The following PRKCE variants were observed in gnomAD, a reference collection of about 807,000 sequenced individuals.
PRKCE encodes protein kinase C epsilon, also known as protein kinase C epsilon type.
Under a neutral mutation model 85.4 loss-of-function variants are expected in PRKCE, and 16 were observed. That is an observed-to-expected ratio of 0.19 (90% CI 0.13 to 0.28). The LOEUF (loss-of-function observed/expected upper bound fraction) is 0.28. Ranked by LOEUF, PRKCE falls within the 10% of genes least tolerant of loss-of-function variation. The pLI, the probability that PRKCE is intolerant of heterozygous loss-of-function variation, is 1.00. For synonymous variants in PRKCE, 388 were observed against 371.5 expected (o/e 1.04, Z -0.51); for missense variants, 573 against 975.2 (o/e 0.59, Z 5.49).
intron 6 of PRKCE, among the ~76,000 whole-genome samples, chr2:45,985,911 T>TTAGATGTGGGTTTTGTC (rs1280490246): frequency 6.6e-6 from 1 of 152,210 alleles, no homozygotes; most frequent in Non-Finnish European, 1.5e-5. Flanking sequence ...GACTGAGCAT[T>TTAGATGTGGGTTTTGTC]TAGATGTGGG....
At chr2:45,719,699 T>C (rs1680450346) in intron 1 of PRKCE, among the ~76,000 whole-genome samples, 1 of 152,048 alleles carries the variant, frequency 6.6e-6, no homozygotes, top group South Asian at 2.1e-4. Flanking sequence ...TGGAAGAAAT[T>C]TTCTCTCCCC....
chr2:45,826,857 G>C (rs1277560123), intron 1 of PRKCE, among the ~76,000 whole-genome samples: 1 of 152,108 alleles, frequency 6.6e-6, no homozygotes, highest in African/African-American at 2.4e-5. Context: ...ATTACATTCA[G>C]AATCTGACCA....
chr2:46,082,655 G>A (rs1669204257), intron 10 of PRKCE, among the ~76,000 whole-genome samples: 1 of 152,192 alleles, frequency 6.6e-6, no homozygotes, highest in South Asian at 2.1e-4. Context: ...CAGCCTCGTG[G>A]GATTCCAACA....
At chr2:45,952,127 C>G (rs1186495520) in intron 2 of PRKCE, among the ~76,000 whole-genome samples, 1 of 152,178 alleles carries the variant, frequency 6.6e-6, no homozygotes, top group Non-Finnish European at 1.5e-5. Flanking sequence ...GCCACTGTGC[C>G]CAGTTGATTC....
intron 2 of PRKCE, among the ~76,000 whole-genome samples, chr2:45,965,511 C>T (rs1257036121): frequency 1.3e-5 from 2 of 152,172 alleles, no homozygotes; most frequent in Non-Finnish European, 2.9e-5. Flanking sequence ...AGTTTGCACC[C>T]TAGCTTCTGT....
chr2:45,987,771 G>A (rs1292143569), intron 6 of PRKCE, among the ~76,000 whole-genome samples: 1 of 152,206 alleles, frequency 6.6e-6, no homozygotes, highest in African/African-American at 2.4e-5. Flanking sequence ...GTATCATACA[G>A]ATTAGCTGGA....
intron 1 of PRKCE, among the ~76,000 whole-genome samples, chr2:45,779,991 C>A (rs546096041): frequency 6.6e-6 from 1 of 152,294 alleles, no homozygotes; most frequent in South Asian, 2.1e-4. Flanking sequence ...CATAGGTTCT[C>A]CTGAACTGGA....
intron 10 of PRKCE, chr2:46,073,575 A>T (rs1266897685): frequency 4.6e-5 from 7 of 151,982 alleles, no homozygotes. Context: ...TGTAGTGCAC[A>T]GTGTCTGACA....
intron 6 of PRKCE, among the ~76,000 whole-genome samples, chr2:45,992,756 G>T (rs994236045): frequency 6.6e-6 from 1 of 152,174 alleles, no homozygotes; most frequent in Admixed American, 6.5e-5. Flanking sequence ...CCTGCCTTTT[G>T]CTTCAATCTC....
chr2:45,824,946 A>C (rs932316031), intron 1 of PRKCE, among the ~76,000 whole-genome samples: 3 of 152,166 alleles, frequency 2.0e-5, no homozygotes, highest in African/African-American at 7.2e-5. Flanking sequence ...TCAGGGCAGG[A>C]GACGGGGTTG....
At chr2:45,992,426 G>A (rs536838131) in intron 6 of PRKCE, among the ~76,000 whole-genome samples, 2 of 152,262 alleles carry the variant, frequency 1.3e-5, no homozygotes, top group South Asian at 4.1e-4. Context: ...ATGACCCCAG[G>A]GGGGCATCCC....
intron 11 of PRKCE, among the ~76,000 whole-genome samples, chr2:46,103,496 A>G (rs1410598052): frequency 1.3e-5 from 2 of 152,224 alleles, no homozygotes; most frequent in East Asian, 1.9e-4. Context: ...ACACACATAC[A>G]CATAACTCAT....
intron 1 of PRKCE, among the ~76,000 whole-genome samples, chr2:45,672,432 C>G (rs1306600390): frequency 2.0e-5 from 3 of 152,096 alleles, no homozygotes; most frequent in African/African-American, 7.2e-5. Flanking sequence ...TCATCTATCT[C>G]TCCATCCATC....
chr2:45,813,959 T>C (rs148154516), intron 1 of PRKCE, among the ~76,000 whole-genome samples: 62 of 152,216 alleles, frequency 4.1e-4, no homozygotes, highest in African/African-American at 1.4e-3. Context: ...CATAAGTGAG[T>C]ATCATCAGTG....
chr2:45,770,450 A>G (rs372811381), intron 1 of PRKCE, among the ~76,000 whole-genome samples: 1 of 152,120 alleles, frequency 6.6e-6, no homozygotes, highest in Non-Finnish European at 1.5e-5. Flanking sequence ...GACACTAGAT[A>G]TATGGCGTCC....
At chr2:45,976,319 C>T in intron 2 of PRKCE, 110 bp from the exon 3 acceptor site, 1 of 1,314,278 alleles carries the variant, frequency 7.6e-7, no homozygotes, top group Non-Finnish European at 1.0e-6. Flanking sequence ...CTACCTCTCA[C>T]CCACCCCAGC....
intron 12 of PRKCE, among the ~76,000 whole-genome samples, chr2:46,150,371 A>G (rs1228225609): frequency 6.6e-6 from 1 of 152,196 alleles, no homozygotes; most frequent in Non-Finnish European, 1.5e-5. Context: ...AAGGGGGCCT[A>G]CGGTTTTGTA....
intron 14 of PRKCE, among the ~76,000 whole-genome samples, chr2:46,183,385 T>C (rs892097552): frequency 6.6e-6 from 1 of 152,246 alleles, no homozygotes; most frequent in Non-Finnish European, 1.5e-5. Context: ...CCACAGAGCA[T>C]AGCATATATT....
intron 1 of PRKCE, among the ~76,000 whole-genome samples, chr2:45,811,152 A>G (rs542390489): frequency 5.4e-4 from 82 of 152,288 alleles, no homozygotes; most frequent in Middle Eastern, 3.4e-3. Flanking sequence ...GGAGAAGGGG[A>G]ATACAGATAT....
Sources: gnomAD v4.1 joint callset for allele counts (sites outside exome capture counted in the v4.1 genomes callset) on GRCh38, gnomAD v4.1.1 for gene constraint, MANE v1.5 for transcripts, NCBI Gene and HGNC (gene_info 2026-07-23, HGNC 2026-07-21) for gene names.